The following FAT4 variants were observed in gnomAD, a reference collection of about 807,000 sequenced individuals.
FAT4 encodes the protein FAT atypical cadherin 4, also known as protocadherin Fat 4.
In FAT4, 84 loss-of-function variants were observed where a neutral mutation model predicts 303.9. The ratio of observed to expected loss-of-function variants is 0.28; its 90% CI spans 0.23 to 0.33. The LOEUF (loss-of-function observed/expected upper bound fraction) is 0.33, where lower values mean the gene tolerates loss of function less well. FAT4 is among the 10% of genes least tolerant of loss of function. The probability of loss-of-function intolerance (pLI) is 1.00; values close to 1 mark genes in which losing one functional copy is unlikely to be tolerated. For synonymous variants in FAT4, 2,307 were observed against 2,298.8 expected, an observed-to-expected ratio of 1.00 and a Z score of -0.10; for missense variants, 6,005 against 6,146.8, an observed-to-expected ratio of 0.98 and a Z score of 0.77.
chr4:125,407,439 C>T lies in FAT4; in HGVS notation c.5569+298C>T, dbSNP rs970491731. Among the ~76,000 whole-genome samples the T allele has an allele frequency of 8.7e-4, 131 of 150,496 alleles. 1 individual carries two copies. The highest frequency in any genetic ancestry group is 8.3e-3 in the Admixed American group (125 of 14,996). Reference sequence around the variant, plus strand: ...TTTGGTACTCTTTCTGCTTTAAAAACGTCTAATGTGATTTGGGGGCTATGT... The same window carrying T: ...TTTGGTACTCTTTCTGCTTTAAAAATGTCTAATGTGATTTGGGGGCTATGT... On this transcript the variant is annotated intron_variant, in intron 4 of 17. Transcript: ENST00000394329.
chr4:125,402,247 T>C (rs1050794987), intron 3 of FAT4, among the ~76,000 whole-genome samples: 7 of 152,010 alleles, frequency 4.6e-5, no homozygotes, highest in African/African-American at 1.7e-4. Flanking sequence ...ATTTTTGTAA[T>C]AGCATTAAAT....
intron 12 of FAT4, among the ~76,000 whole-genome samples, chr4:125,471,914 A>AAAAAAAAAAAAAAAAAAAAAAAC (rs1726874738): frequency 7.1e-6 from 1 of 141,404 alleles, no homozygotes; most frequent in African/African-American, 2.8e-5. Flanking sequence ...AAAAAAAAAA[A>AAAAAAAAAAAAAAAAAAAAAAAC]AAAAAAAAAA....
At chr4:125,482,514 G>A (rs1187886011) in intron 16 of FAT4, among the ~76,000 whole-genome samples, 1 of 151,894 alleles carries the variant, frequency 6.6e-6, no homozygotes, top group Non-Finnish European at 1.5e-5. Flanking sequence ...TCATCTCCTA[G>A]ACCAACAGTT....
At chr4:125,360,282 T>C (rs1373925390) in intron 2 of FAT4, among the ~76,000 whole-genome samples, 1 of 152,166 alleles carries the variant, frequency 6.6e-6, no homozygotes, top group Non-Finnish European at 1.5e-5. Context: ...TCTGGGTTCA[T>C]ATTCCACTTT....
chr4:125,420,098 A>G (rs1735231993), intron 7 of FAT4, among the ~76,000 whole-genome samples: 1 of 152,210 alleles, frequency 6.6e-6, no homozygotes, highest in Non-Finnish European at 1.5e-5. Context: ...CTTCTCAGAG[A>G]GGACTTGTCT....
chr4:125,319,883 A>T lies in FAT4; in HGVS notation c.3472A>T (p.Thr1158Ser). ...LHAISGEITN[T>S]HQFDRESLMR... Reference sequence around the variant, plus strand: ...TGCCATCAGTGGGGAAATTACAAATACTCATCAGTTTGACAGGGAGTCTCT... The same window carrying T: ...TGCCATCAGTGGGGAAATTACAAATTCTCATCAGTTTGACAGGGAGTCTCT... Residue 1158 changes from threonine (T) to serine (S), a missense_variant, in exon 2 of 18, where the codon ACT (threonine) becomes TCT (serine). Transcript: ENST00000394329. The T allele has an allele frequency of 6.2e-7, 1 of 1,614,086 alleles. No individual in the cohort carries two copies. Among genetic ancestry groups the T allele is most frequent in the South Asian group, 1.1e-5 (1 of 91,084 alleles).
Position 125,450,850 on chromosome 4 carries a change from G to A in FAT4, c.9840G>A (p.Arg3280=), listed in dbSNP as rs377500947. 3.1e-6 allele frequency: 5 copies of A among 1,614,000 alleles called. No individual in the cohort carries two copies. The highest frequency in any genetic ancestry group is 1.7e-6 in the Non-Finnish European group (2 of 1,180,026). Reference sequence around the variant, plus strand: ...CCTTCAATGTCCCCGATGAGGAAAGGTGTAGCTTTGCCACTGTTAATATAC... The same window carrying A: ...CCTTCAATGTCCCCGATGAGGAAAGATGTAGCTTTGCCACTGTTAATATAC... ...VKAFNVPDEE[R]CSFATVNIQL... The change falls in exon 10 of 18, where the codon AGG becomes AGA. Residue 3280 remains arginine (R), a synonymous_variant. Transcript: ENST00000394329.
chr4:125,450,961 T>A lies in FAT4; in HGVS notation c.9951T>A (p.Thr3317=), dbSNP rs1726041402. The A allele has an allele frequency of 6.2e-7, 1 of 1,614,000 alleles. No homozygotes were observed. Among genetic ancestry groups the A allele is most frequent in the African/African-American group, 1.3e-5 (1 of 74,924 alleles). ...FEISEAAPKG[T]IVGEVFASDR... The stretch of plus-strand genomic sequence containing the variant: ...TCTCAGAAGCAGCTCCTAAAGGTAC[T>A]ATTGTTGGAGAAGTGTTTGCTAGCG... Residue 3317 remains threonine (T), a synonymous_variant, in exon 10 of 18, where the codon ACT becomes ACA. Coordinates refer to ENST00000394329, the MANE Select transcript of FAT4 (RefSeq NM_001291303.3).
In FAT4 at chr4:125,481,977, C is replaced by T. The variant is rs184508120; in HGVS notation, c.12822+239C>T. Among the ~76,000 whole-genome samples the T allele has an allele frequency of 1.3e-4, 20 of 152,228 alleles. 1 individual carries two copies. Among genetic ancestry groups the T allele is most frequent in the Non-Finnish European group, 2.9e-4 (20 of 68,008 alleles). On this transcript the variant is annotated intron_variant, in intron 16 of 17. Coordinates refer to ENST00000394329, the MANE Select transcript of FAT4 (RefSeq NM_001291303.3). ...TGTTGCTTTAGAGTAGAGAACCCTG[C>T]CAGGTAGGCCAGCACACAAAGAATT...
chr4:125,384,748 G>A (rs1406152019), intron 2 of FAT4, among the ~76,000 whole-genome samples: 1 of 151,730 alleles, frequency 6.6e-6, no homozygotes, highest in Non-Finnish European at 1.5e-5. Flanking sequence ...TGTAATTTTG[G>A]TTTAGGTGAC....
chr4:125,395,692 C>A (rs1006498844), intron 2 of FAT4, among the ~76,000 whole-genome samples: 2 of 151,844 alleles, frequency 1.3e-5, no homozygotes, highest in African/African-American at 4.8e-5. Flanking sequence ...AAATAAATGA[C>A]CTATGGAATT....
At chr4:125,401,503 T>C (rs1578600387) in intron 3 of FAT4, among the ~76,000 whole-genome samples, 1 of 152,058 alleles carries the variant, frequency 6.6e-6, no homozygotes, top group East Asian at 1.9e-4. Flanking sequence ...CAGCCAATTG[T>C]GTAGATTTTT....
intron 2 of FAT4, among the ~76,000 whole-genome samples, chr4:125,360,039 T>C (rs575591642): frequency 3.3e-5 from 5 of 152,278 alleles, no homozygotes; most frequent in Non-Finnish European, 4.4e-5. Context: ...TGTCCTAAAC[T>C]GTCTTCCTCT....
At chr4:125,443,768 A>C (rs1158251787) in intron 8 of FAT4, among the ~76,000 whole-genome samples, 1 of 152,176 alleles carries the variant, frequency 6.6e-6, no homozygotes, top group Non-Finnish European at 1.5e-5. Context: ...CTTTACAAAA[A>C]TTAATGCAGG....
chr4:125,463,630 A>G lies in FAT4; in HGVS notation c.11868A>G (p.Gln3956=). 1 of 1,600,302 alleles carries G rather than the reference A, an allele frequency of 6.2e-7. No homozygotes were observed. Among genetic ancestry groups the G allele is most frequent in the Non-Finnish European group, 8.5e-7 (1 of 1,171,638 alleles). Residue 3956 remains glutamine (Q), a synonymous_variant, in exon 11 of 18, where the codon CAA becomes CAG. Transcript: ENST00000394329. ...CNPCFNGGSC[Q]SGVDSYYCHC... is the part of the protein sequence containing the mutation. ...CCTGCTTTAATGGTGGTTCCTGCCAAAGTGGTGTGGATTCTTATTATTGTC... is the reference window on the plus strand; with the variant it reads ...CCTGCTTTAATGGTGGTTCCTGCCAGAGTGGTGTGGATTCTTATTATTGTC...
chr4:125,321,286 T>C lies in FAT4; in HGVS notation c.4875T>C (p.Asp1625=), dbSNP rs1479186137. Residue 1625 remains aspartate, a synonymous_variant, in exon 2 of 18, where the codon GAT becomes GAC. Transcript: ENST00000394329. Reference sequence around the variant, plus strand: ...TGACCATCATTCTTCAGGGCCTTGATGGACCTGTTTTTACTCAACCCAAAT... The same window carrying C: ...TGACCATCATTCTTCAGGGCCTTGACGGACCTGTTTTTACTCAACCCAAAT... The part of the protein sequence containing the change: ...TELTIILQGL[D]GPVFTQPKYI... 6.2e-7 allele frequency: 1 copy of C among 1,614,002 alleles called. No individual in the cohort carries two copies. The highest frequency in any genetic ancestry group is 8.5e-7 in the Non-Finnish European group (1 of 1,179,960).
chr4:125,448,208 A>C, intron 9 of FAT4, among the ~76,000 whole-genome samples: 1 of 152,124 alleles, frequency 6.6e-6, no homozygotes, highest in East Asian at 1.9e-4. Flanking sequence ...TCAAAGGCAT[A>C]CTGAAAAGTA....
In FAT4 at chr4:125,320,879, A is replaced by G. The variant is rs1172497833; in HGVS notation, c.4468A>G (p.Asn1490Asp). The G allele has an allele frequency of 3.7e-6, 6 of 1,614,174 alleles. No homozygotes were observed. Among genetic ancestry groups the G allele is most frequent in the Middle Eastern group, 3.3e-4 (2 of 6,062 alleles). The stretch of plus-strand genomic sequence containing the variant: ...TGCTGAAATAGATCGGGAATTTGCT[A>G]ATCTCTTTGAGTTGACTGTAAAAGC... ...TNAEIDREFA[N>D]LFELTVKAND... Residue 1490 changes from asparagine to aspartate, a missense_variant, in exon 2 of 18, where the codon AAT (asparagine) becomes GAT (aspartate). By Grantham distance (23) the Asn-to-Asp change is conservative. Coordinates refer to ENST00000394329, the MANE Select transcript of FAT4 (RefSeq NM_001291303.3).
Position 125,317,581 on chromosome 4 carries a change from C to T in FAT4, c.1170C>T (p.Ala390=). 6.2e-7 allele frequency: 1 copy of T among 1,613,822 alleles called. No individual in the cohort carries two copies. The highest frequency in any genetic ancestry group is 8.5e-7 in the Non-Finnish European group (1 of 1,179,972). The change falls in exon 2 of 18, where the codon GCC becomes GCT. Residue 390 remains alanine (A), a synonymous_variant. Transcript: ENST00000394329. The surrounding 1 kb of genome is among the most constrained non-coding windows in gnomAD (Gnocchi z 7.0). The part of the protein sequence containing the change: ...LTVTDADSPA[A]NGNISVQILG... ...TGACGGACGCAGATTCTCCCGCGGC[C>T]AACGGGAACATCTCCGTGCAAATTC...
Sources: allele counts gnomAD v4.1 joint callset (sites outside exome capture counted in the v4.1 genomes callset), GRCh38; gene constraint gnomAD v4.1.1; non-coding constraint Gnocchi (gnomAD v3.1); transcripts MANE v1.5; gene names NCBI Gene and HGNC (gene_info 2026-07-23, HGNC 2026-07-21).